The following GRIN2D variants were observed in gnomAD, a reference collection of about 807,000 sequenced individuals.
GRIN2D encodes glutamate receptor ionotropic, NMDA 2D.
Under a neutral mutation model 103.2 loss-of-function variants are expected in GRIN2D, and 37 were observed. The ratio of observed to expected loss-of-function variants is 0.36; its 90% CI spans 0.28 to 0.47. The LOEUF is 0.47. GRIN2D is among the 20% of genes least tolerant of loss of function. The pLI, the probability that GRIN2D is intolerant of heterozygous loss-of-function variation, is 1.00. For missense variants in GRIN2D, 1,557 were observed against 1,910.6 expected, an observed-to-expected ratio of 0.81 and a Z score of 3.45; for synonymous variants, 845 against 885.6, an observed-to-expected ratio of 0.95 and a Z score of 0.81.
At chr19:48,422,481 C>T (rs996562697) in intron 11 of GRIN2D, among the ~76,000 whole-genome samples, 5 of 151,582 alleles carry the variant, frequency 3.3e-5, no homozygotes, top group Admixed American at 1.3e-4. Flanking sequence ...CGTGGTGGCA[C>T]GCGCCTGTAG....
chr19:48,417,790 G>A (rs976876022), intron 8 of GRIN2D, among the ~76,000 whole-genome samples: 7 of 152,174 alleles, frequency 4.6e-5, no homozygotes, highest in African/African-American at 1.4e-4. Context: ...TTGCTGTGAC[G>A]GGGGCAGTCC....
In GRIN2D at chr19:48,394,391, G is replaced by T. The variant is rs947320315; in HGVS notation, c.-305-267G>T. ...GCAGGCAATCTCCCGCTCCTCACAC[G>T]CACACACCAGCCACTAGCTTCAGAG... On this transcript the variant is annotated intron_variant, in intron 1 of 13. Transcript: ENST00000263269. This position sits in a 1 kb window ranked among gnomAD's most constrained non-coding sequence, Gnocchi z 5.1. 4.3e-5 allele frequency among the ~76,000 whole-genome samples: 6 copies of T among 140,814 alleles called. No homozygotes were observed. The Admixed American group carries it at 4.4e-4, about 10-fold the overall frequency. The allele number at this position is 140,814 out of a possible 152,430, so 92.4% of individuals were successfully genotyped here. A position where few individuals can be genotyped will look rare whatever the true frequency, so the allele number is the denominator to read the frequency against.
In GRIN2D at chr19:48,413,408, G is replaced by A. The variant is rs376855748; in HGVS notation, c.1086-583G>A. ...GGCAGGAGGATTGCTTGAACCAGGA[G>A]GCGGAGGTTGCAGTGAGCGAAGATC... On this transcript the variant is annotated intron_variant, in intron 4 of 13. Coordinates refer to ENST00000263269, the MANE Select transcript of GRIN2D (RefSeq NM_000836.4). Among the ~76,000 whole-genome samples the A allele has an allele frequency of 8.6e-5, 13 of 151,788 alleles. 1 individual carries two copies. Among genetic ancestry groups the A allele is most frequent in the Admixed American group, 6.6e-4 (10 of 15,212 alleles).
Position 48,393,842 on chromosome 19 carries a change from G to T in GRIN2D, c.-332G>T, listed in dbSNP as rs1429951584. On this transcript the variant is annotated 5_prime_UTR_variant, in exon 1 of 14. Transcript: ENST00000263269. The surrounding 1 kb of genome is among the most constrained non-coding windows in gnomAD (Gnocchi z 5.6). ...GGGTAGGTCGGCCCGGCCCCCAGGG[G>T]TCTCTCGAGCGTCTGCCATCTGCCC... 6.6e-6 allele frequency among the ~76,000 whole-genome samples: 1 copy of T among 152,064 alleles called. No homozygotes were observed. Among genetic ancestry groups the T allele is most frequent in the African/African-American group, 2.4e-5 (1 of 41,400 alleles).
Position 48,443,560 on chromosome 19 carries a change from C to T in GRIN2D, c.3634C>T (p.Pro1212Ser), listed in dbSNP as rs1971336065. 2.4e-6 allele frequency: 3 copies of T among 1,237,522 alleles called. No individual in the cohort carries two copies. Among genetic ancestry groups the T allele is most frequent in the Non-Finnish European group, 3.0e-6 (3 of 991,030 alleles). The allele number at this position is 1,237,522 out of a possible 1,614,324, so 76.7% of individuals were successfully genotyped here. ...CGGCGGCTGGTGGGCGCCACCGCCT[C>T]CACCCTGGGCCGCCGGGCCCCTGCC... is the stretch of plus-strand genomic sequence containing the variant. ...LDGGWWAPPP[P>S]PWAAGPLPRR... Residue 1212 changes from proline (P) to serine (S), a missense_variant, in exon 14 of 14, where the codon CCA (proline) becomes TCA (serine). Pro to Ser is a moderately conservative substitution (Grantham distance 74). This residue lies in a region of GRIN2D where 632 missense variants were observed against 572.8 expected (regional missense o/e 1.10). Coordinates refer to ENST00000263269, the MANE Select transcript of GRIN2D (RefSeq NM_000836.4). The surrounding 1 kb of genome is among the most constrained non-coding windows in gnomAD (Gnocchi z 8.9).
rs200267523 is a variant in GRIN2D, at chr19:48,414,934, C to T, written c.1483C>T (p.Leu495=). 10 of 1,614,062 alleles carry T rather than the reference C, an allele frequency of 6.2e-6. No individual in the cohort carries two copies. In the African/African-American group the frequency reaches 1.2e-4, roughly 19 times the overall value. The change falls in exon 7 of 14, where the codon CTG becomes TTG. Residue 495 remains leucine (L), a synonymous_variant. Coordinates refer to ENST00000263269, the MANE Select transcript of GRIN2D (RefSeq NM_000836.4). The surrounding 1 kb of genome is among the most constrained non-coding windows in gnomAD (Gnocchi z 4.6). Reference sequence around the variant, plus strand: ...TTTCTGCATCGACATTCTGAAGCGGCTGGCGCATACCATCGGCTTCAGCTA... The same window carrying T: ...TTTCTGCATCGACATTCTGAAGCGGTTGGCGCATACCATCGGCTTCAGCTA... ...KGFCIDILKR[L]AHTIGFSYDL... is the part of the protein sequence containing the mutation.
chr19:48,427,472 CTTTTTTTTTTTT>C (rs1038381293), intron 11 of GRIN2D, among the ~76,000 whole-genome samples: 4 of 83,240 alleles, frequency 4.8e-5, no homozygotes, highest in Non-Finnish European at 6.5e-5. Context: ...ATCTTCTTTT[CTTTTTTTTTTTT>C]TTTTTTTTTT....
At chr19:48,419,158 C>T (rs1970983657) in intron 8 of GRIN2D, 76 bp from the exon 9 acceptor site, 2 of 1,426,228 alleles carry the variant, frequency 1.4e-6, no homozygotes, top group Non-Finnish European at 1.9e-6. Flanking sequence ...GGAGTACAGG[C>T]GTGAGGCACC....
chr19:48,433,948 TTTC>T, intron 11 of GRIN2D, among the ~76,000 whole-genome samples: 1 of 151,588 alleles, frequency 6.6e-6, no homozygotes, highest in Non-Finnish European at 1.5e-5. Context: ...GGCCGCTTCT[TTTC>T]TTTTTTTTTT....
At chr19:48,416,214 T>C in intron 8 of GRIN2D, 59 bp downstream of exon 8, 2 of 1,501,252 alleles carry the variant, frequency 1.3e-6, no homozygotes, top group Non-Finnish European at 1.8e-6. Flanking sequence ...TCCCCAACCG[T>C]GTGGGCCCTG....
rs1316188370 is a variant in GRIN2D at position 48,414,872 on chromosome 19, C to T, written c.1421C>T (p.Pro474Leu). Residue 474 changes from proline to leucine, a missense_variant, in exon 7 of 14, where the codon CCG becomes CTG. Coordinates refer to ENST00000263269, the MANE Select transcript of GRIN2D (RefSeq NM_000836.4). The surrounding 1 kb of genome is among the most constrained non-coding windows in gnomAD (Gnocchi z 4.6). ...CTGGTCACTGCCCGCAGCCCTCCAC[C>T]GGATGCCCCCCGCCCGGAAAAGCGC... ...SQLNRTHSPPPDAPRPEKRCC... is the reference protein window; with the variant it reads ...SQLNRTHSPPLDAPRPEKRCC... 1.2e-6 allele frequency: 2 copies of T among 1,614,002 alleles called. No homozygotes were observed. Among genetic ancestry groups the T allele is most frequent in the East Asian group, 4.5e-5 (2 of 44,896 alleles).
Position 48,427,876 on chromosome 19 carries a change from CA to C in GRIN2D, c.2252+5934del, listed in dbSNP as rs932254871. Among the ~76,000 whole-genome samples, 8 of 152,166 alleles carry C rather than the reference CA, an allele frequency of 5.3e-5. 1 individual carries two copies. Among genetic ancestry groups the C allele is most frequent in the Admixed American group, 1.3e-4 (2 of 15,280 alleles). On this transcript the variant is annotated intron_variant, in intron 11 of 13. Coordinates refer to ENST00000263269, the MANE Select transcript of GRIN2D (RefSeq NM_000836.4). ...CACAATTAGTTTGCAAAAAATTAAT[CA>C]AATCAATGTTTTGATTCATAGTCCT... is the stretch of plus-strand genomic sequence containing the variant.
intron 11 of GRIN2D, among the ~76,000 whole-genome samples, chr19:48,435,883 G>T (rs767202316): frequency 6.6e-6 from 1 of 152,232 alleles, no homozygotes; most frequent in African/African-American, 2.4e-5. Flanking sequence ...TGCAATGCAC[G>T]GAATAAATGA....
intron 3 of GRIN2D, among the ~76,000 whole-genome samples, chr19:48,402,126 AAG>A (rs1183208841): frequency 7.6e-6 from 1 of 132,266 alleles, no homozygotes; most frequent in Non-Finnish European, 1.7e-5. Flanking sequence ...GAAAGAAAGA[AAG>A]AAAGAAAGAA....
At chr19:48,404,622 A>G (rs1276566246) in intron 3 of GRIN2D, 112 bp from the exon 4 acceptor site, 4 of 1,055,072 alleles carry the variant, frequency 3.8e-6, no homozygotes, top group Non-Finnish European at 5.4e-6. Flanking sequence ...AGATGGGTTT[A>G]GTGAACCTGT....
At chr19:48,403,979 C>T (rs1358953742) in intron 3 of GRIN2D, among the ~76,000 whole-genome samples, 1 of 152,176 alleles carries the variant, frequency 6.6e-6, no homozygotes. Flanking sequence ...GTGGCTCACG[C>T]CTGTAATTCC....
chr19:48,430,821 C>CTTTTTTTTTTTTT (rs557084994), intron 11 of GRIN2D, among the ~76,000 whole-genome samples: 1 of 128,920 alleles, frequency 7.8e-6, no homozygotes, highest in Non-Finnish European at 1.6e-5. Context: ...TTTCTTTTTT[C>CTTTTTTTTTTTTT]TTTTTTTTTT....
At chr19:48,416,937 GT>G (rs879694476) in intron 8 of GRIN2D, among the ~76,000 whole-genome samples, 1 of 152,034 alleles carries the variant, frequency 6.6e-6, no homozygotes, top group Non-Finnish European at 1.5e-5. Context: ...TAGAGACGGG[GT>G]TTCACCATGG....
At chr19:48,396,219 C>A (rs1970638476) in intron 2 of GRIN2D, among the ~76,000 whole-genome samples, 1 of 151,900 alleles carries the variant, frequency 6.6e-6, no homozygotes, top group African/African-American at 2.4e-5. Context: ...ACTCTGTGAT[C>A]CCTGAGGGCG....
Sources: allele counts gnomAD v4.1 joint callset (sites outside exome capture counted in the v4.1 genomes callset), GRCh38; gene constraint gnomAD v4.1.1; regional missense constraint gnomAD v4.1.1; non-coding constraint Gnocchi (gnomAD v3.1); transcripts MANE v1.5; gene names NCBI Gene and HGNC (gene_info 2026-07-23, HGNC 2026-07-21).